Variants in ADAM22 observed in about 807,000 individuals in gnomAD.
ADAM22 encodes the protein disintegrin and metalloproteinase domain-containing protein 22.
ADAM22 carries 65 observed loss-of-function variants against 144.6 expected under a neutral mutation model. The ratio of observed to expected loss-of-function variants is 0.45; its 90% CI spans 0.37 to 0.55. The LOEUF is 0.55. ADAM22 is among the 20% of genes least tolerant of loss of function. The pLI is 0.00. For synonymous variants in ADAM22, 391 were observed against 412.6 expected (o/e 0.95, Z 0.63); for missense variants, 974 against 1,184.9 (o/e 0.82, Z 2.61).
intron 3 of ADAM22, among the ~76,000 whole-genome samples, chr7:88,008,461 T>A (rs1358341444): frequency 1.1e-4 from 16 of 152,132 alleles, no homozygotes; most frequent in African/African-American, 3.9e-4. Flanking sequence ...ATATGTTTAT[T>A]GCAGCACTAT....
chr7:88,113,703 A>AATAAATAAATAAATAAATAT (rs1554478726), intron 5 of ADAM22, among the ~76,000 whole-genome samples: 3 of 48,108 alleles, frequency 6.2e-5, no homozygotes, highest in East Asian at 1.4e-3. Context: ...TAAATAAATA[A>AATAAATAAATAAATAAATAT]ATATATATAT....
chr7:88,066,640 G>T (rs1326954701), intron 3 of ADAM22, among the ~76,000 whole-genome samples: 2 of 152,090 alleles, frequency 1.3e-5, no homozygotes, highest in East Asian at 3.8e-4. Flanking sequence ...AAATCACCGA[G>T]GAAGAGAGTG....
chr7:88,171,637 A>G, intron 26 of ADAM22, 76 bp downstream of exon 26: 1 of 1,274,138 alleles, frequency 7.8e-7, no homozygotes, highest in South Asian at 1.5e-5. Context: ...TCATACATGC[A>G]ATTATAATTA....
chr7:88,022,531 G>C (rs1798065781), intron 3 of ADAM22, among the ~76,000 whole-genome samples: 1 of 152,094 alleles, frequency 6.6e-6, no homozygotes, highest in African/African-American at 2.4e-5. Flanking sequence ...TAAGTAATAG[G>C]AAAGAGGATT....
chr7:88,098,633 T>C (rs1384313549), intron 4 of ADAM22, among the ~76,000 whole-genome samples: 1 of 152,098 alleles, frequency 6.6e-6, no homozygotes, highest in African/African-American at 2.4e-5. Context: ...TATTTTATGG[T>C]GTTCACCATC....
chr7:88,109,348 A>G (rs1197690125), intron 5 of ADAM22, among the ~76,000 whole-genome samples: 1 of 152,184 alleles, frequency 6.6e-6, no homozygotes, highest in African/African-American at 2.4e-5. Flanking sequence ...GTCGATAATG[A>G]TAATGCACAG....
At chr7:87,982,674 T>C (rs1390139449) in intron 3 of ADAM22, among the ~76,000 whole-genome samples, 2 of 62,002 alleles carry the variant, frequency 3.2e-5, no homozygotes, top group South Asian at 8.4e-4. Flanking sequence ...TTATTACATA[T>C]ATATATATAT....
intron 3 of ADAM22, among the ~76,000 whole-genome samples, chr7:88,050,973 TA>T (rs1806170176): frequency 6.6e-6 from 1 of 152,240 alleles, no homozygotes; most frequent in Non-Finnish European, 1.5e-5. Context: ...GGTTTTCTTC[TA>T]GGGTTTTTAT....
At chr7:88,138,366 C>T (rs1833568355) in intron 14 of ADAM22, among the ~76,000 whole-genome samples, 1 of 152,106 alleles carries the variant, frequency 6.6e-6, no homozygotes, top group South Asian at 2.1e-4. Flanking sequence ...GCATAATATA[C>T]AGTGAAGTCA....
intron 3 of ADAM22, among the ~76,000 whole-genome samples, chr7:88,018,852 A>G (rs748974988): frequency 1.3e-5 from 2 of 152,230 alleles, no homozygotes; most frequent in African/African-American, 2.4e-5. Context: ...GGCAAATTGC[A>G]TACTTAATTT....
At chr7:88,165,149 T>G (rs1025023827) in intron 23 of ADAM22, among the ~76,000 whole-genome samples, 1 of 152,084 alleles carries the variant, frequency 6.6e-6, no homozygotes, top group Non-Finnish European at 1.5e-5. Flanking sequence ...CAAGGTTGTT[T>G]TGAATTAGAT....
At chr7:88,059,596 C>T (rs61274421) in intron 3 of ADAM22, among the ~76,000 whole-genome samples, 5 of 152,144 alleles carry the variant, frequency 3.3e-5, no homozygotes, top group Non-Finnish European at 7.4e-5. Context: ...CTCATAATAG[C>T]GAAAACATGG....
At position 88,114,626 on chromosome 7, in the gene ADAM22, A is replaced by G. The variant is rs1040797874; in HGVS notation, c.516A>G (p.Pro172=). The G allele has an allele frequency of 1.9e-5, 30 of 1,613,874 alleles. No individual in the cohort carries two copies. The highest frequency in any genetic ancestry group is 5.0e-5 in the Admixed American group (3 of 59,996). Residue 172 remains proline (P), a synonymous_variant, in exon 6 of 32, where the codon CCA becomes CCG. Transcript: ENST00000413139. Reference sequence around the variant, plus strand: ...GGAACCACACATATCTCATTGAGCCAGAAGAAAATGACACTACTCAAGTAA... The same window carrying G: ...GGAACCACACATATCTCATTGAGCCGGAAGAAAATGACACTACTCAAGTAA... ...YDGNHTYLIE[P]EENDTTQEDF... is the part of the protein sequence containing the mutation.
rs1850910203 is a variant in ADAM22 at position 88,198,542 on chromosome 7, A to G, written c.*2051A>G. 3 of 152,254 alleles carry G rather than the reference A, an allele frequency of 2.0e-5. No homozygotes were observed. The allele number at this position is 152,254 out of a possible 1,614,324, so 9.4% of individuals were successfully genotyped here. On this transcript the variant is annotated 3_prime_UTR_variant, in exon 32 of 32. Coordinates refer to ENST00000413139, the MANE Select transcript of ADAM22 (RefSeq NM_001324418.2). ...AGTGACTTTTTACCAAGATCACTGT[A>G]ACGTGCACTGAATGTTTCCTGGTAC...
chr7:88,110,546 A>T (rs1825720298), intron 5 of ADAM22, among the ~76,000 whole-genome samples: 1 of 151,914 alleles, frequency 6.6e-6, no homozygotes, highest in East Asian at 2.0e-4. Flanking sequence ...ATCCTACTAT[A>T]GTCTTGTAAA....
chr7:88,075,022 CCT>C (rs1220740894), intron 3 of ADAM22, among the ~76,000 whole-genome samples: 1 of 151,730 alleles, frequency 6.6e-6, no homozygotes, highest in Non-Finnish European at 1.5e-5. Context: ...TCTTGAGACC[CCT>C]CCATTAAAAG....
chr7:87,940,067 C>T (rs1415564116), intron 2 of ADAM22, among the ~76,000 whole-genome samples: 1 of 151,174 alleles, frequency 6.6e-6, no homozygotes, highest in Non-Finnish European at 1.5e-5. Context: ...TGGTGGGCAC[C>T]TGTAGTCCTG....
intron 3 of ADAM22, among the ~76,000 whole-genome samples, chr7:88,053,591 G>GGAAAGAAAGAAAGAAAGAAA (rs1214968746): frequency 5.3e-5 from 6 of 113,330 alleles, no homozygotes; most frequent in Admixed American, 2.9e-4. Flanking sequence ...AAGGAAGGAA[G>GGAAAGAAAGAAAGAAAGAAA]GAAAGAAAGA....
At chr7:88,115,247 C>A (rs1318401088) in intron 6 of ADAM22, among the ~76,000 whole-genome samples, 4 of 152,146 alleles carry the variant, frequency 2.6e-5, no homozygotes, top group Admixed American at 6.5e-5. Flanking sequence ...CAAAAAATTT[C>A]TTTTGTTTCT....
Sources: allele counts gnomAD v4.1 joint callset (sites outside exome capture counted in the v4.1 genomes callset), GRCh38; gene constraint gnomAD v4.1.1; transcripts MANE v1.5; gene names NCBI Gene and HGNC (gene_info 2026-07-23, HGNC 2026-07-21).